Variants in RNLS observed in about 807,000 individuals in gnomAD.
RNLS encodes the protein renalase, FAD dependent amine oxidase.
RNLS carries 39 observed loss-of-function variants against 39.8 expected under a neutral mutation model. The ratio of observed to expected loss-of-function variants is 0.98; its 90% CI spans 0.76 to 1.28. RNLS has a LOEUF of 1.28. Ranked by LOEUF, RNLS falls within the 50% of genes most tolerant of loss-of-function variation. The pLI is 0.00. For synonymous variants in RNLS, 147 were observed against 150.7 expected (o/e 0.98, Z 0.18); for missense variants, 410 against 413.3 (o/e 0.99, Z 0.07).
intron 5 of RNLS, among the ~76,000 whole-genome samples, chr10:88,335,871 T>C (rs1372243621): frequency 6.6e-6 from 1 of 152,238 alleles, no homozygotes; most frequent in Admixed American, 6.5e-5. Flanking sequence ...TTTATTCTTT[T>C]ACTATTAAAT....
rs998457898 is a variant in RNLS at position 88,572,767 on chromosome 10, G to C, written c.526+136C>G. The stretch of plus-strand genomic sequence containing the variant: ...CTAGATTAATATCATGACGACGGCC[G>C]TAAGTATCAGTTTTTAAGACAGGCA... On this transcript the variant is annotated intron_variant, in intron 4 of 6. Coordinates refer to ENST00000331772, the MANE Select transcript of RNLS (RefSeq NM_001031709.3). 2.7e-5 allele frequency: 23 copies of C among 845,608 alleles called. No individual in the cohort carries two copies. The South Asian group carries it at 4.7e-4, about 17-fold the overall frequency. 52.4% of individuals were successfully genotyped at this position (845,608 alleles called of 1,614,324 possible). A position where few individuals can be genotyped will look rare whatever the true frequency, so the allele number is the denominator to read the frequency against.
At chr10:88,518,104 G>C (rs1846511194) in intron 4 of RNLS, among the ~76,000 whole-genome samples, 1 of 151,844 alleles carries the variant, frequency 6.6e-6, no homozygotes, top group Non-Finnish European at 1.5e-5. Context: ...CTTCAGCCAA[G>C]TTAGACCATA....
rs1357601464 is a variant in RNLS at position 88,489,127 on chromosome 10, A to G, written c.526+83776T>C. Among the ~76,000 whole-genome samples the G allele has an allele frequency of 5.3e-5, 8 of 152,168 alleles. No individual in the cohort carries two copies. The South Asian group carries it at 1.7e-3, about 32-fold the overall frequency. On this transcript the variant is annotated intron_variant, in intron 4 of 6. Transcript: ENST00000331772. ...ATGATTTGTTTTTTCTATACTTTCA[A>G]TTTAAAAAAGAAAAAAGAGAGGCCT...
chr10:88,462,347 G>T (rs1842970923), intron 4 of RNLS, among the ~76,000 whole-genome samples: 1 of 151,906 alleles, frequency 6.6e-6, no homozygotes, highest in African/African-American at 2.4e-5. Context: ...CTTATCCTTT[G>T]TGTTACAAAC....
At chr10:88,318,521 C>A (rs930060888) in intron 5 of RNLS, among the ~76,000 whole-genome samples, 1 of 152,240 alleles carries the variant, frequency 6.6e-6, no homozygotes. Context: ...TGAATCCACA[C>A]TCGCTGAAAG....
chr10:88,197,067 A>T, the RNLS span, among the ~76,000 whole-genome samples: 1 of 152,196 alleles, frequency 6.6e-6, no homozygotes, highest in Non-Finnish European at 1.5e-5. Flanking sequence ...TGTACAGGAG[A>T]TGAAAGTGCA....
chr10:88,315,544 G>T (rs186582122), intron 5 of RNLS, among the ~76,000 whole-genome samples: 1 of 152,274 alleles, frequency 6.6e-6, no homozygotes, highest in East Asian at 1.9e-4. Context: ...CCCCTCCTGA[G>T]AGAAGAGAAT....
chr10:88,466,456 T>C (rs1189629923), intron 4 of RNLS, among the ~76,000 whole-genome samples: 8 of 152,114 alleles, frequency 5.3e-5, no homozygotes, highest in Admixed American at 5.2e-4. Flanking sequence ...TCAATGTTTA[T>C]GTTAACATAG....
chr10:88,188,540 T>G, the RNLS span, among the ~76,000 whole-genome samples: 1 of 152,224 alleles, frequency 6.6e-6, no homozygotes, highest in South Asian at 2.1e-4. Context: ...GCTTTTCCTT[T>G]TGGACCAAAT....
At chr10:88,297,346 T>C (rs1358300447) in intron 6 of RNLS, among the ~76,000 whole-genome samples, 1 of 152,228 alleles carries the variant, frequency 6.6e-6, no homozygotes, top group Non-Finnish European at 1.5e-5. Context: ...ACTGGTTTCT[T>C]TCACATAGCA....
At chr10:88,417,199 T>A (rs1326013322) in intron 4 of RNLS, among the ~76,000 whole-genome samples, 3 of 152,218 alleles carry the variant, frequency 2.0e-5, no homozygotes, top group African/African-American at 7.2e-5. Flanking sequence ...TTATATGTTT[T>A]GAAATTTCCA....
the RNLS span, among the ~76,000 whole-genome samples, chr10:88,204,667 G>A: frequency 2.0e-4 from 31 of 152,036 alleles, no homozygotes; most frequent in East Asian, 1.9e-4. Context: ...TCTTCTCCCC[G>A]TACATGAAAG....
At chr10:88,560,323 C>CAA (rs1346259128) in intron 4 of RNLS, among the ~76,000 whole-genome samples, 1 of 143,566 alleles carries the variant, frequency 7.0e-6, no homozygotes, top group African/African-American at 2.6e-5. Context: ...AAGCTGGGGA[C>CAA]AAAAAAAAAA....
intron 3 of RNLS, 125 bp downstream of exon 3, chr10:88,581,442 T>C (rs1850548287): frequency 5.5e-6 from 4 of 732,706 alleles, no homozygotes; most frequent in Non-Finnish European, 8.3e-6. Flanking sequence ...AAGGACTAGC[T>C]ATTGATCAGC....
At chr10:88,264,389 A>C in the RNLS span, among the ~76,000 whole-genome samples, 1 of 151,512 alleles carries the variant, frequency 6.6e-6, no homozygotes, top group Admixed American at 6.6e-5. Flanking sequence ...TCTTTATGGA[A>C]TCTCTATACT....
At chr10:88,201,489 C>T in the RNLS span, among the ~76,000 whole-genome samples, 1 of 152,118 alleles carries the variant, frequency 6.6e-6, no homozygotes, top group Admixed American at 6.6e-5. Flanking sequence ...GTGAGAGGCA[C>T]AAGCCACATA....
chr10:88,486,058 T>C (rs1844494142), intron 4 of RNLS, among the ~76,000 whole-genome samples: 1 of 151,974 alleles, frequency 6.6e-6, no homozygotes, highest in Non-Finnish European at 1.5e-5. Context: ...GAGAAAATAG[T>C]TGCAAAGCAT....
chr10:88,276,993 T>G (rs1279980666), intron 6 of RNLS, among the ~76,000 whole-genome samples: 2 of 152,204 alleles, frequency 1.3e-5, no homozygotes, highest in Non-Finnish European at 2.9e-5. Context: ...CTTTGTTGAT[T>G]ATAAACCATG....
intron 6 of RNLS, among the ~76,000 whole-genome samples, chr10:88,292,919 C>A (rs2132894016): frequency 6.6e-6 from 1 of 151,872 alleles, no homozygotes; most frequent in African/African-American, 2.4e-5. Flanking sequence ...GGCGTGGTGG[C>A]ACGTGCCTGT....
Sources: allele counts gnomAD v4.1 joint callset (sites outside exome capture counted in the v4.1 genomes callset), GRCh38; gene constraint gnomAD v4.1.1; transcripts MANE v1.5; gene names NCBI Gene and HGNC (gene_info 2026-07-23, HGNC 2026-07-21).